SEMA3A: variants seen among roughly 807,000 people sequenced by gnomAD.
The protein encoded by SEMA3A is semaphorin 3A.
A neutral mutation model predicts 97.9 loss-of-function variants in SEMA3A; 29 were observed. That is an observed-to-expected ratio of 0.30 (90% CI 0.22 to 0.40). SEMA3A has a LOEUF of 0.40. Among genes scored for constraint, SEMA3A ranks in the 10% least tolerant of loss-of-function variants. SEMA3A has a pLI of 1.00. For missense variants in SEMA3A, 763 were observed against 951.3 expected (o/e 0.80, Z 2.60); for synonymous variants, 321 against 323.7 (o/e 0.99, Z 0.09).
chr7:84,423,375 G>C (rs1363382230), intron 1 of SEMA3A, among the ~76,000 whole-genome samples: 1 of 151,844 alleles, frequency 6.6e-6, no homozygotes, highest in Non-Finnish European at 1.5e-5. Context: ...AAAAATACTG[G>C]GCATATTTCT....
chr7:84,127,833 G>A (rs1795848956), intron 3 of SEMA3A, among the ~76,000 whole-genome samples: 1 of 151,976 alleles, frequency 6.6e-6, no homozygotes, highest in African/African-American at 2.4e-5. Context: ...CACATGTACA[G>A]TTTGATTTAT....
Position 84,008,982 on chromosome 7 carries a change from G to C in SEMA3A, c.996-1485C>G, listed in dbSNP as rs111923228. ...GTCAGCTATCATCGAAATACTTAAG[G>C]AGTATGATAGGTAGCTATTAGGACT... is the stretch of plus-strand genomic sequence containing the variant. On this transcript the variant is annotated intron_variant, in intron 9 of 16. Transcript: ENST00000265362. Among the ~76,000 whole-genome samples the C allele has an allele frequency of 3.4e-3, 514 of 152,072 alleles. 2 individuals carry two copies. The highest frequency in any genetic ancestry group is 0.012 in the African/African-American group (493 of 41,462).
intron 11 of SEMA3A, among the ~76,000 whole-genome samples, chr7:84,002,868 C>T (rs1170573619): frequency 2.0e-5 from 3 of 152,064 alleles, no homozygotes; most frequent in African/African-American, 7.2e-5. Flanking sequence ...GTTTTAATGA[C>T]AAGAGTTGTC....
chr7:84,438,165 G>A (rs1248487916), intron 1 of SEMA3A, among the ~76,000 whole-genome samples: 1 of 152,010 alleles, frequency 6.6e-6, no homozygotes, highest in African/African-American at 2.4e-5. Flanking sequence ...CAACAATGAT[G>A]TATTTGCTGT....
At chr7:84,337,032 G>T (rs577314745) in intron 2 of SEMA3A, among the ~76,000 whole-genome samples, 1 of 152,110 alleles carries the variant, frequency 6.6e-6, no homozygotes, top group East Asian at 1.9e-4. Context: ...GATTGCCTGG[G>T]TTTGAATCCT....
chr7:84,311,271 C>G (rs1435512575), intron 2 of SEMA3A, among the ~76,000 whole-genome samples: 1 of 151,916 alleles, frequency 6.6e-6, no homozygotes, highest in South Asian at 2.1e-4. Flanking sequence ...GTGAATAGAA[C>G]AGTGCCCTTC....
chr7:84,123,166 G>A (rs778805287), intron 3 of SEMA3A, among the ~76,000 whole-genome samples: 5 of 152,138 alleles, frequency 3.3e-5, no homozygotes, highest in Non-Finnish European at 7.4e-5. Flanking sequence ...AGCTTAGAAT[G>A]TATTCAGCTT....
chr7:83,991,120 T>C (rs1271512155), intron 12 of SEMA3A, among the ~76,000 whole-genome samples: 1 of 150,354 alleles, frequency 6.7e-6, no homozygotes, highest in Non-Finnish European at 1.5e-5. Context: ...GCTCTCTGTT[T>C]GTCTGTTGTT....
At chr7:84,017,449 A>T (rs1427679988) in intron 6 of SEMA3A, among the ~76,000 whole-genome samples, 1 of 152,210 alleles carries the variant, frequency 6.6e-6, no homozygotes, top group Non-Finnish European at 1.5e-5. Context: ...ATGCACAGAA[A>T]ATGAAAACCA....
At chr7:84,356,356 A>G (rs1339779779) in intron 2 of SEMA3A, among the ~76,000 whole-genome samples, 2 of 151,608 alleles carry the variant, frequency 1.3e-5, no homozygotes, top group Admixed American at 6.6e-5. Context: ...AGTATATCCA[A>G]TAATGAAATC....
At chr7:84,057,582 T>G (rs910886808) in intron 5 of SEMA3A, among the ~76,000 whole-genome samples, 3 of 151,778 alleles carry the variant, frequency 2.0e-5, no homozygotes. Flanking sequence ...CTGACCAACA[T>G]GGTGAAACCT....
intron 4 of SEMA3A, among the ~76,000 whole-genome samples, chr7:84,063,916 G>C (rs952810652): frequency 5.3e-4 from 80 of 150,778 alleles, no homozygotes; most frequent in Admixed American, 1.5e-3. Context: ...GAAATACAGA[G>C]AACGCCACAA....
intron 15 of SEMA3A, among the ~76,000 whole-genome samples, chr7:83,967,788 A>T (rs2116274147): frequency 6.6e-6 from 1 of 152,148 alleles, no homozygotes; most frequent in South Asian, 2.1e-4. Context: ...CAATTTTAAA[A>T]ATTTTGTTTT....
At chr7:84,435,069 C>A (rs1055448987) in intron 1 of SEMA3A, among the ~76,000 whole-genome samples, 10 of 152,186 alleles carry the variant, frequency 6.6e-5, no homozygotes, top group Non-Finnish European at 1.3e-4. Context: ...CAAACTATAT[C>A]TCCTTGCTGA....
At chr7:84,126,425 C>T (rs1795797520) in intron 3 of SEMA3A, among the ~76,000 whole-genome samples, 1 of 152,088 alleles carries the variant, frequency 6.6e-6, no homozygotes, top group Non-Finnish European at 1.5e-5. Flanking sequence ...AGGCTGGCCT[C>T]GAACTTCTGA....
chr7:84,358,946 G>T (rs576464099), intron 2 of SEMA3A, among the ~76,000 whole-genome samples: 7 of 152,226 alleles, frequency 4.6e-5, no homozygotes, highest in African/African-American at 1.7e-4. Context: ...TCTGTTATTG[G>T]TGTATAAGAA....
intron 3 of SEMA3A, among the ~76,000 whole-genome samples, chr7:84,280,078 T>C (rs1051939414): frequency 1.3e-5 from 2 of 152,018 alleles, no homozygotes; most frequent in African/African-American, 4.8e-5. Context: ...TTGTATTTTT[T>C]TGGAGAGAGG....
chr7:84,142,619 T>C (rs938242071), intron 1 of SEMA3A, among the ~76,000 whole-genome samples: 1 of 152,172 alleles, frequency 6.6e-6, no homozygotes, highest in Admixed American at 6.6e-5. Context: ...CTCACTCTCA[T>C]ATAATTTGCT....
At chr7:84,299,290 ATC>A in intron 3 of SEMA3A, among the ~76,000 whole-genome samples, 1 of 124,986 alleles carries the variant, frequency 8.0e-6, no homozygotes, top group Non-Finnish European at 1.8e-5. Flanking sequence ...ATATATATCT[ATC>A]TCCATATATA....
Sources: gnomAD v4.1 joint callset for allele counts (sites outside exome capture counted in the v4.1 genomes callset) on GRCh38, gnomAD v4.1.1 for gene constraint, MANE v1.5 for transcripts, NCBI Gene and HGNC (gene_info 2026-07-23, HGNC 2026-07-21) for gene names.